The following ADGRG5 variants were observed in gnomAD, a reference collection of about 807,000 sequenced individuals.
ADGRG5 encodes the protein adhesion G protein-coupled receptor G5.
ADGRG5 carries 37 observed loss-of-function variants against 53.2 expected under a neutral mutation model. That is an observed-to-expected ratio of 0.70 (90% CI 0.53 to 0.91). The LOEUF is 0.91. Ranked by LOEUF, ADGRG5 falls within the 40% of genes least tolerant of loss-of-function variation. The pLI, the probability that ADGRG5 is intolerant of heterozygous loss-of-function variation, is 0.00. For synonymous variants in ADGRG5, 277 were observed against 290.4 expected (o/e 0.95, Z 0.47); for missense variants, 614 against 675.8 (o/e 0.91, Z 1.01).
chr16:57,541,217 C>A (rs71387173), upstream of ADGRG5, among the ~76,000 whole-genome samples: 2 of 152,196 alleles, frequency 1.3e-5, no homozygotes, highest in Non-Finnish European at 2.9e-5. Flanking sequence ...GGTACAGACC[C>A]AGGCTAGAGG....
intron 4 of ADGRG5, 85 bp downstream of exon 4, chr16:57,563,332 C>A: frequency 1.7e-6 from 2 of 1,208,742 alleles, no homozygotes; most frequent in Non-Finnish European, 2.4e-6. Context: ...TTTCTTTAGG[C>A]TCCACTGTCT....
In ADGRG5 at chr16:57,574,476, C is replaced by A. The variant is rs550180769; in HGVS notation, c.1209-339C>A. The stretch of plus-strand genomic sequence containing the variant: ...GCCAAGGATCCAATAGAAGATGGGG[C>A]ATGCCGGCCTTGGGCTGGCCATGGA... On this transcript the variant is annotated intron_variant, in intron 10 of 11. Transcript: ENST00000349457. The surrounding 1 kb of genome is among the most constrained non-coding windows in gnomAD (Gnocchi z 4.4). 3.9e-5 allele frequency among the ~76,000 whole-genome samples: 6 copies of A among 152,310 alleles called. No homozygotes were observed. Among genetic ancestry groups the A allele is most frequent in the African/African-American group, 1.4e-4 (6 of 41,560 alleles).
Position 57,574,416 on chromosome 16 carries a change from G to A in ADGRG5, c.1209-399G>A, listed in dbSNP as rs930639203. 2.6e-5 allele frequency among the ~76,000 whole-genome samples: 4 copies of A among 152,262 alleles called. No individual in the cohort carries two copies. Among genetic ancestry groups the A allele is most frequent in the Admixed American group, 6.5e-5 (1 of 15,290 alleles). ...GAGGTGGTGACAACCATGTAGTGGG[G>A]TGGAAGGGGAAGTTTCCAGGAAAGA... On this transcript the variant is annotated intron_variant, in intron 10 of 11. Transcript: ENST00000349457. This position sits in a 1 kb window ranked among gnomAD's most constrained non-coding sequence, Gnocchi z 4.4.
intron 1 of ADGRG5, among the ~76,000 whole-genome samples, chr16:57,546,502 CTT>C (rs2032624190): frequency 6.6e-6 from 1 of 152,168 alleles, no homozygotes; most frequent in South Asian, 2.1e-4. Context: ...AAAATCAGCT[CTT>C]GTCTATTGTA....
At position 57,574,975 on chromosome 16, in the gene ADGRG5, G is replaced by A. The variant is rs114200545; in HGVS notation, c.1369G>A (p.Val457Ile). 132 of 1,613,896 alleles carry A rather than the reference G, an allele frequency of 8.2e-5. No individual in the cohort carries two copies. The East Asian group carries it at 2.1e-3, about 25-fold the overall frequency. Reference protein sequence around the residue: ...APSVRACHDTVTVLGLTVLLG... With the variant: ...APSVRACHDTITVLGLTVLLG... ...AAGTGTCAGGGCCTGCCATGACACT[G>A]TCACTGTGCTGGGCCTCACCGTGCT... The change falls in exon 11 of 12, where the codon GTC becomes ATC. Residue 457 changes from valine to isoleucine, a missense_variant. Val to Ile is a conservative substitution (Grantham distance 29). Transcript: ENST00000349457. This position sits in a 1 kb window ranked among gnomAD's most constrained non-coding sequence, Gnocchi z 4.4.
chr16:57,548,638 C>G (rs1452358522), intron 1 of ADGRG5, among the ~76,000 whole-genome samples: 1 of 151,716 alleles, frequency 6.6e-6, no homozygotes, highest in Non-Finnish European at 1.5e-5. Flanking sequence ...AACCACTAAT[C>G]TGTTCTCCAT....
At chr16:57,558,680 C>G (rs1302436795) in intron 1 of ADGRG5, among the ~76,000 whole-genome samples, 4 of 152,158 alleles carry the variant, frequency 2.6e-5, no homozygotes, top group African/African-American at 9.7e-5. Flanking sequence ...TCCCCTTCAT[C>G]CCCATGGGAA....
At position 57,574,013 on chromosome 16, in the gene ADGRG5, C is replaced by T. The variant is rs956954525; in HGVS notation, c.1209-802C>T. On this transcript the variant is annotated intron_variant, in intron 10 of 11. Transcript: ENST00000349457. This position sits in a 1 kb window ranked among gnomAD's most constrained non-coding sequence, Gnocchi z 4.4. ...CTGAGATTACAGGCATGAGCCACCG[C>T]GCCTGGCCTCCATTTGATTTAGTTC... is the stretch of plus-strand genomic sequence containing the variant. Among the ~76,000 whole-genome samples, 17 of 152,194 alleles carry T rather than the reference C, an allele frequency of 1.1e-4. No individual in the cohort carries two copies. The highest frequency in any genetic ancestry group is 3.6e-4 in the African/African-American group (15 of 41,442).
chr16:57,536,060 A>AC, the ADGRG5 span, among the ~76,000 whole-genome samples: 1 of 144,056 alleles, frequency 6.9e-6, no homozygotes, highest in East Asian at 2.3e-4. Flanking sequence ...GGTCCCGCCC[A>AC]CCCCACCGCA....
the ADGRG5 span, among the ~76,000 whole-genome samples, chr16:57,533,745 G>GT: frequency 6.6e-6 from 1 of 151,428 alleles, no homozygotes; most frequent in Non-Finnish European, 1.5e-5. Flanking sequence ...CGCAGCCCCA[G>GT]TAACGTGCAC....
At chr16:57,559,901 A>C (rs2032963218) in intron 1 of ADGRG5, among the ~76,000 whole-genome samples, 1 of 152,188 alleles carries the variant, frequency 6.6e-6, no homozygotes, top group South Asian at 2.1e-4. Context: ...TTCTATTATG[A>C]CTATATGCAT....
At chr16:57,535,353 A>T in the ADGRG5 span, among the ~76,000 whole-genome samples, 13 of 152,170 alleles carry the variant, frequency 8.5e-5, no homozygotes, top group Non-Finnish European at 1.9e-4. Flanking sequence ...CTGAGGAGCC[A>T]CAGAGACAGC....
rs2033026092 is a variant in ADGRG5 at position 57,562,412 on chromosome 16, G to A, written c.93G>A (p.Met31Ile). 1 of 1,608,734 alleles carries A rather than the reference G, an allele frequency of 6.2e-7. No homozygotes were observed. The highest frequency in any genetic ancestry group is 1.3e-5 in the African/African-American group (1 of 74,836). ...TETWEELLSY[M>I]ENMQVSRGRS... ...CATGGGAAGAACTCCTGAGCTACAT[G>A]GAGAATATGCAGGTGTCCAGGGGCC... Residue 31 changes from methionine (M) to isoleucine (I), a missense_variant, in exon 3 of 12, where the codon ATG becomes ATA. Met to Ile is a conservative substitution (Grantham distance 10). Transcript: ENST00000349457.
At chr16:57,539,453 C>CTTTT (rs375117285), upstream of ADGRG5, among the ~76,000 whole-genome samples, 22 of 108,776 alleles carry the variant, frequency 2.0e-4, 7 homozygotes, top group Non-Finnish European at 2.6e-4. Context: ...GCACTGTACC[C>CTTTT]CTTTTTTTTT....
chr16:57,567,443 G>A, intron 7 of ADGRG5, 27 bp from the exon 8 acceptor site: 1 of 1,602,758 alleles, frequency 6.2e-7, no homozygotes, highest in Non-Finnish European at 8.5e-7. Context: ...TATGCTTCTG[G>A]CCTCCAGCCC....
intron 5 of ADGRG5, among the ~76,000 whole-genome samples, 165 bp from the exon 6 acceptor site, chr16:57,564,869 G>C (rs1276227938): frequency 2.0e-5 from 3 of 151,988 alleles, no homozygotes; most frequent in African/African-American, 7.3e-5. Flanking sequence ...CACATGCAAA[G>C]GCTGGGAGGC....
intron 1 of ADGRG5, among the ~76,000 whole-genome samples, chr16:57,543,375 C>T (rs1462374591): frequency 6.6e-6 from 1 of 150,918 alleles, no homozygotes; most frequent in Admixed American, 6.6e-5. Context: ...CTCCACCTCC[C>T]AGGTTCAAGC....
chr16:57,533,480 T>A, the ADGRG5 span, among the ~76,000 whole-genome samples: 1,494 of 144,852 alleles, frequency 0.01, 27 homozygotes, highest in African/African-American at 0.036. Context: ...ATGCACACAT[T>A]CACACACACA....
intron 5 of ADGRG5, 67 bp downstream of exon 5, chr16:57,564,046 A>C: frequency 1.3e-6 from 2 of 1,548,198 alleles, no homozygotes; most frequent in Admixed American, 3.4e-5. Context: ...GCAGGTGCCC[A>C]TGTCACTGCC....
Sources: allele counts gnomAD v4.1 joint callset (sites outside exome capture counted in the v4.1 genomes callset), GRCh38; gene constraint gnomAD v4.1.1; non-coding constraint Gnocchi (gnomAD v3.1); transcripts MANE v1.5; gene names NCBI Gene and HGNC (gene_info 2026-07-23, HGNC 2026-07-21).